Variants in CTNND2 observed in about 807,000 individuals in gnomAD.
The protein encoded by CTNND2 is catenin delta-2.
In CTNND2, 22 loss-of-function variants were observed where a neutral mutation model predicts 144.4. The ratio of observed to expected loss-of-function variants is 0.15; its 90% CI spans 0.11 to 0.22. The LOEUF (loss-of-function observed/expected upper bound fraction) is 0.22, where lower values mean the gene tolerates loss of function less well. Ranked by LOEUF, CTNND2 falls within the 10% of genes least tolerant of loss-of-function variation. The pLI, the probability that CTNND2 is intolerant of heterozygous loss-of-function variation, is 1.00. For missense variants in CTNND2, 1,353 were observed against 1,618.8 expected (o/e 0.84, Z 2.82); for synonymous variants, 751 against 695.6 (o/e 1.08, Z -1.25).
chr5:11,796,010 C>G (rs1287762955), intron 1 of CTNND2, among the ~76,000 whole-genome samples: 1 of 152,232 alleles, frequency 6.6e-6, no homozygotes. Flanking sequence ...TTCCTTGGCT[C>G]CTGGCCTCCT....
chr5:11,372,239 A>G (rs1419424721), intron 7 of CTNND2, among the ~76,000 whole-genome samples: 5 of 152,218 alleles, frequency 3.3e-5, no homozygotes, highest in African/African-American at 1.2e-4. Flanking sequence ...ACATCATGGT[A>G]AGTGTGTCCA....
At chr5:11,069,498 C>G (rs1747993391) in intron 16 of CTNND2, among the ~76,000 whole-genome samples, 1 of 152,052 alleles carries the variant, frequency 6.6e-6, no homozygotes, top group African/African-American at 2.4e-5. Context: ...GAGTGTCCAA[C>G]TGGAAAGGAG....
At chr5:11,060,298 A>G (rs911076644) in intron 16 of CTNND2, among the ~76,000 whole-genome samples, 2 of 152,166 alleles carry the variant, frequency 1.3e-5, no homozygotes, top group Admixed American at 6.5e-5. Flanking sequence ...ATGGGCCCCT[A>G]AAACAATTTC....
chr5:11,797,958 CT>C (rs1214802536), intron 1 of CTNND2, among the ~76,000 whole-genome samples: 2 of 152,016 alleles, frequency 1.3e-5, no homozygotes, highest in Non-Finnish European at 2.9e-5. Flanking sequence ...GAGAAAGTGT[CT>C]TAATAGTTTG....
At chr5:10,984,627 C>A (rs1737710600) in intron 20 of CTNND2, among the ~76,000 whole-genome samples, 1 of 151,884 alleles carries the variant, frequency 6.6e-6, no homozygotes, top group Admixed American at 6.5e-5. Context: ...ATTACCTTTA[C>A]AGACACGTGA....
intron 3 of CTNND2, among the ~76,000 whole-genome samples, chr5:11,554,203 G>A (rs954053084): frequency 1.3e-5 from 2 of 152,060 alleles, no homozygotes; most frequent in Admixed American, 6.6e-5. Context: ...AAACTCTTAA[G>A]CTTTTAATTT....
At chr5:11,541,668 A>C (rs936332103) in intron 3 of CTNND2, among the ~76,000 whole-genome samples, 4 of 152,156 alleles carry the variant, frequency 2.6e-5, no homozygotes, top group Non-Finnish European at 2.9e-5. Flanking sequence ...TGCTAAGGGA[A>C]CATTTAGATA....
intron 2 of CTNND2, among the ~76,000 whole-genome samples, chr5:11,731,082 C>A (rs1289035303): frequency 6.6e-6 from 1 of 152,210 alleles, no homozygotes; most frequent in Non-Finnish European, 1.5e-5. Flanking sequence ...CAATTTCCTG[C>A]TTACTGACTA....
chr5:11,288,622 T>C (rs1334374194), intron 9 of CTNND2, among the ~76,000 whole-genome samples: 1 of 152,038 alleles, frequency 6.6e-6, no homozygotes, highest in African/African-American at 2.4e-5. Flanking sequence ...ATTTTCAAGG[T>C]ACCACAGAGG....
chr5:11,740,431 A>C (rs918105963), intron 1 of CTNND2, among the ~76,000 whole-genome samples: 1 of 152,060 alleles, frequency 6.6e-6, no homozygotes, highest in African/African-American at 2.4e-5. Flanking sequence ...CAAAAACAAG[A>C]AATGGGGAAA....
chr5:11,814,273 G>C (rs926386881), intron 1 of CTNND2, among the ~76,000 whole-genome samples: 1 of 152,120 alleles, frequency 6.6e-6, no homozygotes, highest in East Asian at 1.9e-4. Flanking sequence ...TATCTACAGA[G>C]AGCAATCATG....
chr5:11,346,649 A>C, intron 8 of CTNND2, 22 bp from the exon 9 acceptor site: 1 of 1,438,972 alleles, frequency 6.9e-7, no homozygotes, highest in Non-Finnish European at 9.1e-7. Context: ...AAGTAGGGAC[A>C]AAGTAAAAAA....
chr5:11,349,289 A>G (rs1010386435), intron 8 of CTNND2, among the ~76,000 whole-genome samples: 3 of 152,190 alleles, frequency 2.0e-5, no homozygotes, highest in Non-Finnish European at 4.4e-5. Context: ...AGGCCCTTTC[A>G]CTGGGTGTCA....
intron 3 of CTNND2, among the ~76,000 whole-genome samples, chr5:11,417,752 T>G (rs1042765125): frequency 2.6e-5 from 4 of 152,278 alleles, no homozygotes. Flanking sequence ...ACCTGGTAAT[T>G]TTGTACATGT....
intron 3 of CTNND2, among the ~76,000 whole-genome samples, chr5:11,512,572 T>C (rs1286850501): frequency 1.3e-5 from 2 of 152,218 alleles, no homozygotes; most frequent in Non-Finnish European, 2.9e-5. Flanking sequence ...ACCTCCTTTC[T>C]ATATCTGACA....
intron 2 of CTNND2, among the ~76,000 whole-genome samples, chr5:11,579,880 G>A (rs750028203): frequency 3.3e-5 from 5 of 152,140 alleles, no homozygotes; most frequent in African/African-American, 9.7e-5. Flanking sequence ...CGGCTGCGGC[G>A]TCCAGCAGCA....
At chr5:11,770,461 A>T (rs10057904) in intron 1 of CTNND2, among the ~76,000 whole-genome samples, 205 of 132,898 alleles carry the variant, frequency 1.5e-3, no homozygotes, top group African/African-American at 6.1e-3. Flanking sequence ...GGAAGGAAGG[A>T]AGGGGTAGGG....
At chr5:11,553,242 C>A (rs748484429) in intron 3 of CTNND2, among the ~76,000 whole-genome samples, 4 of 152,264 alleles carry the variant, frequency 2.6e-5, no homozygotes, top group African/African-American at 9.6e-5. Flanking sequence ...AGGTGGCCTG[C>A]GTGAAAGGGA....
At chr5:11,830,656 C>T (rs1057313090) in intron 1 of CTNND2, among the ~76,000 whole-genome samples, 13 of 152,228 alleles carry the variant, frequency 8.5e-5, no homozygotes, top group African/African-American at 1.4e-4. Flanking sequence ...AGCGTGAAAA[C>T]GGACTAGTAC....
Sources: gnomAD v4.1 joint callset for allele counts (sites outside exome capture counted in the v4.1 genomes callset) on GRCh38, gnomAD v4.1.1 for gene constraint, MANE v1.5 for transcripts, NCBI Gene and HGNC (gene_info 2026-07-23, HGNC 2026-07-21) for gene names.